Variants in LAMA2 observed in about 807,000 individuals in gnomAD.
The protein encoded by LAMA2 is laminin subunit alpha-2.
In LAMA2, 269 loss-of-function variants were observed where a neutral mutation model predicts 364.8. That is an observed-to-expected ratio of 0.74 (90% CI 0.67 to 0.82). LAMA2 has a LOEUF of 0.82. LAMA2 is among the 40% of genes least tolerant of loss of function. The pLI is 0.00. For missense variants in LAMA2, 3,807 were observed against 3,873.2 expected, an observed-to-expected ratio of 0.98 and a Z score of 0.45; for synonymous variants, 1,379 against 1,370.6, an observed-to-expected ratio of 1.01 and a Z score of -0.14.
chr6:129,354,130 T>C (rs1437441159), intron 32 of LAMA2, among the ~76,000 whole-genome samples: 1 of 152,220 alleles, frequency 6.6e-6, no homozygotes, highest in African/African-American at 2.4e-5. Context: ...ATTTACCTAT[T>C]GTAATAGTAT....
chr6:129,145,438 C>T (rs1778378442), intron 5 of LAMA2, among the ~76,000 whole-genome samples: 1 of 151,886 alleles, frequency 6.6e-6, no homozygotes, highest in Admixed American at 6.6e-5. Context: ...TATTTTATAG[C>T]AATGTTTGGA....
At chr6:129,419,238 C>T (rs1780950930) in intron 40 of LAMA2, among the ~76,000 whole-genome samples, 1 of 152,060 alleles carries the variant, frequency 6.6e-6, no homozygotes, top group East Asian at 1.9e-4. Context: ...TGAACAATGC[C>T]ACAATGCAAT....
intron 51 of LAMA2, among the ~76,000 whole-genome samples, chr6:129,470,518 A>C (rs892595812): frequency 2.0e-5 from 3 of 151,948 alleles, no homozygotes; most frequent in Non-Finnish European, 4.4e-5. Context: ...GAAGTGTTCA[A>C]AAATAGACCC....
chr6:128,929,445 G>A (rs563750685), intron 1 of LAMA2: 12 of 840,894 alleles, frequency 1.4e-5, no homozygotes, highest in Admixed American at 8.5e-5. Flanking sequence ...AGGAGTGGAC[G>A]GTGAGTCTCA....
rs199498342 is a variant in LAMA2 at position 129,150,164 on chromosome 6, TGAGCCACCATTG to T, written c.1027+1071_1027+1082del. Among the ~76,000 whole-genome samples, 3 of 152,306 alleles carry T rather than the reference TGAGCCACCATTG, an allele frequency of 2.0e-5. No individual in the cohort carries two copies. The East Asian group carries it at 5.8e-4, about 29-fold the overall frequency. Reference sequence around the variant, plus strand: ...TATTACAAAAGCATATCTGGAGGCATGAGCCACCATTGGATCATCACTCACCATGCATGGTAG... The same window carrying T: ...TATTACAAAAGCATATCTGGAGGCATGATCATCACTCACCATGCATGGTAG... On this transcript the variant is annotated intron_variant, in intron 7 of 64. Coordinates refer to ENST00000421865, the MANE Select transcript of LAMA2 (RefSeq NM_000426.4).
chr6:129,429,620 T>C (rs1781491446), intron 41 of LAMA2, among the ~76,000 whole-genome samples: 1 of 152,216 alleles, frequency 6.6e-6, no homozygotes, highest in African/African-American at 2.4e-5. Flanking sequence ...AGGTACCTCT[T>C]ATTACAATCT....
chr6:129,316,060 A>G lies in LAMA2; in HGVS notation c.3947A>G (p.Asp1316Gly). ...CAGAAAGAATGGAAATATTATGGGG[A>G]TGATCCTCGAGTCCATAGAACTGTG... ...MTEKEWKYYG[D>G]DPRVHRTVTR... Residue 1316 changes from aspartate to glycine, a missense_variant, in exon 27 of 65, where the codon GAT becomes GGT. Around this residue, in one of 3 missense-constraint regions of LAMA2, gnomAD observed 3,333 missense variants for 3,345.7 expected, o/e 1.00. Transcript: ENST00000421865. The G allele has an allele frequency of 6.2e-7, 1 of 1,613,882 alleles. No homozygotes were observed. Among genetic ancestry groups the G allele is most frequent in the East Asian group, 2.2e-5 (1 of 44,876 alleles).
chr6:129,348,789 T>C (rs2098265969), intron 30 of LAMA2, among the ~76,000 whole-genome samples: 1 of 152,188 alleles, frequency 6.6e-6, no homozygotes, highest in Admixed American at 6.6e-5. Context: ...GAAAAGATAT[T>C]ATTTTATTCC....
Position 129,342,380 on chromosome 6 carries a change from G to T in LAMA2, c.4349G>T (p.Arg1450Leu). ...QHHTAGDFCE[R>L]CALGYYGIVK... ...CACACTGCTGGTGACTTCTGTGAAC[G>T]ATGTGCTCTTGGATACTATGGAATT... Residue 1450 changes from arginine (R) to leucine (L), a missense_variant, in exon 30 of 65, where the codon CGA becomes CTA. Arg to Leu is a moderately radical substitution (Grantham distance 102, BLOSUM62 -2). Around this residue, in one of 3 missense-constraint regions of LAMA2, gnomAD observed 3,333 missense variants for 3,345.7 expected, o/e 1.00. Transcript: ENST00000421865. 6.2e-7 allele frequency: 1 copy of T among 1,613,234 alleles called. No homozygotes were observed. Among genetic ancestry groups the T allele is most frequent in the Non-Finnish European group, 8.5e-7 (1 of 1,179,370 alleles).
chr6:128,929,088 C>T (rs1253425335), intron 1 of LAMA2: 2 of 1,457,904 alleles, frequency 1.4e-6, no homozygotes, highest in Admixed American at 3.4e-5. Context: ...AGAATCCACA[C>T]TGTGGACCGC....
chr6:129,381,228 C>T (rs1391319462), intron 34 of LAMA2, among the ~76,000 whole-genome samples: 3 of 152,114 alleles, frequency 2.0e-5, no homozygotes, highest in Non-Finnish European at 4.4e-5. Flanking sequence ...AGATCAAGTT[C>T]CTTATTATGG....
chr6:129,037,689 G>A (rs1382382800), intron 1 of LAMA2, among the ~76,000 whole-genome samples: 19 of 143,798 alleles, frequency 1.3e-4, no homozygotes, highest in Admixed American at 3.5e-4. Context: ...TTTTTGAGAC[G>A]GAGTCTCGCT....
At chr6:129,245,822 A>G (rs1235439192) in intron 12 of LAMA2, among the ~76,000 whole-genome samples, 4 of 152,218 alleles carry the variant, frequency 2.6e-5, no homozygotes, top group Non-Finnish European at 5.9e-5. Context: ...TGGTCAGAGA[A>G]CTATAAGAAT....
chr6:129,342,307 A>G (rs748518787), intron 29 of LAMA2, 36 bp from the exon 30 acceptor site: 6 of 1,601,152 alleles, frequency 3.7e-6, no homozygotes, highest in Non-Finnish European at 5.1e-6. Flanking sequence ...CTATCACTAA[A>G]TTAAAAACAA....
At chr6:129,194,118 C>T (rs1781699447) in intron 12 of LAMA2, among the ~76,000 whole-genome samples, 1 of 151,998 alleles carries the variant, frequency 6.6e-6, no homozygotes, top group Admixed American at 6.5e-5. Flanking sequence ...ATTTAGGAAA[C>T]TCTGGTATTC....
chr6:129,459,205 G>A (rs1361072144), intron 48 of LAMA2, among the ~76,000 whole-genome samples: 1 of 152,016 alleles, frequency 6.6e-6, no homozygotes, highest in East Asian at 1.9e-4. Flanking sequence ...AATGCTGTAG[G>A]CAGTTGTAAC....
At chr6:129,239,981 G>A (rs561406726) in intron 12 of LAMA2, among the ~76,000 whole-genome samples, 6 of 152,300 alleles carry the variant, frequency 3.9e-5, no homozygotes, top group Middle Eastern at 3.4e-3. Flanking sequence ...AAGCCAGTTC[G>A]ATTCCCAGAA....
rs1216221587 is a variant in LAMA2 at position 128,908,472 on chromosome 6, G to C, written c.112+25115G>C. On this transcript the variant is annotated intron_variant, in intron 1 of 64. Coordinates refer to ENST00000421865, the MANE Select transcript of LAMA2 (RefSeq NM_000426.4). ...TGGTAGTTTGTATTTCTGTGGGATC[G>C]GTGGTGATATCCCCTTTATCATTTT... is the stretch of plus-strand genomic sequence containing the variant. Among the ~76,000 whole-genome samples the C allele has an allele frequency of 1.4e-4, 20 of 147,656 alleles. 1 individual carries two copies. The South Asian group carries it at 4.0e-3, about 29-fold the overall frequency.
At chr6:129,140,834 C>T (rs1778082163) in intron 4 of LAMA2, among the ~76,000 whole-genome samples, 1 of 152,106 alleles carries the variant, frequency 6.6e-6, no homozygotes, top group Non-Finnish European at 1.5e-5. Context: ...TTGGGACTAA[C>T]TATATTCACA....
Sources: allele counts gnomAD v4.1 joint callset (sites outside exome capture counted in the v4.1 genomes callset), GRCh38; gene constraint gnomAD v4.1.1; regional missense constraint gnomAD v4.1.1; transcripts MANE v1.5; gene names NCBI Gene and HGNC (gene_info 2026-07-23, HGNC 2026-07-21).